SEMA3D: variants seen among roughly 807,000 people sequenced by gnomAD.
The protein encoded by SEMA3D is semaphorin 3D.
A neutral mutation model predicts 100.1 loss-of-function variants in SEMA3D; 84 were observed. That is an observed-to-expected ratio of 0.84 (90% CI 0.70 to 1.01). The LOEUF is 1.01. SEMA3D is among the 50% of genes least tolerant of loss of function. The pLI, the probability that SEMA3D is intolerant of heterozygous loss-of-function variation, is 0.00. For synonymous variants in SEMA3D, 312 were observed against 320.7 expected (o/e 0.97, Z 0.29); for missense variants, 875 against 934.1 (o/e 0.94, Z 0.82).
chr7:85,002,583 A>G (rs1000002855), intron 18 of SEMA3D, among the ~76,000 whole-genome samples: 2 of 152,304 alleles, frequency 1.3e-5, no homozygotes, highest in East Asian at 3.9e-4. Flanking sequence ...ATGTCAGCAC[A>G]GTCAATTTAG....
chr7:85,232,809 C>T, the SEMA3D span, among the ~76,000 whole-genome samples: 1 of 152,132 alleles, frequency 6.6e-6, no homozygotes, highest in African/African-American at 2.4e-5. Flanking sequence ...AATAAACAAG[C>T]AAGTAAACTA....
At chr7:85,016,250 C>CTTTTTTTTTTTTTT (rs59812080) in intron 15 of SEMA3D, among the ~76,000 whole-genome samples, 1 of 128,770 alleles carries the variant, frequency 7.8e-6, no homozygotes, top group Non-Finnish European at 1.7e-5. Flanking sequence ...TTTGTGATTC[C>CTTTTTTTTTTTTTT]TTTTTTTTTT....
chr7:85,164,912 T>G (rs1241970856), intron 1 of SEMA3D, among the ~76,000 whole-genome samples: 1 of 152,018 alleles, frequency 6.6e-6, no homozygotes, highest in Non-Finnish European at 1.5e-5. Flanking sequence ...GAGCTGTAAT[T>G]TAGGCAGAAT....
the SEMA3D span, among the ~76,000 whole-genome samples, chr7:85,204,040 A>G: frequency 6.6e-6 from 1 of 152,072 alleles, no homozygotes; most frequent in African/African-American, 2.4e-5. Context: ...TACATGTCCT[A>G]TATATTCTAG....
chr7:85,066,929 G>GAGAGAA (rs1791643970), intron 7 of SEMA3D, among the ~76,000 whole-genome samples: 1 of 140,870 alleles, frequency 7.1e-6, no homozygotes, highest in African/African-American at 3.2e-5. Flanking sequence ...GAGAGAGAGA[G>GAGAGAA]AGAGAGAGAG....
At chr7:85,007,216 A>G (rs554912872) in intron 17 of SEMA3D, among the ~76,000 whole-genome samples, 96 of 151,956 alleles carry the variant, frequency 6.3e-4, no homozygotes, top group African/African-American at 2.3e-3. Context: ...ATCAAACTCT[A>G]TATATTGAGA....
chr7:85,090,663 G>A (rs2116279305), intron 4 of SEMA3D, among the ~76,000 whole-genome samples: 1 of 152,224 alleles, frequency 6.6e-6, no homozygotes, highest in East Asian at 1.9e-4. Context: ...AGACAGAAAT[G>A]TCTTACTCAG....
the SEMA3D span, among the ~76,000 whole-genome samples, chr7:85,205,807 G>A: frequency 2.0e-5 from 3 of 152,092 alleles, no homozygotes; most frequent in African/African-American, 7.2e-5. Context: ...ATTAAAGTCT[G>A]TAATTGGAAC....
At chr7:85,202,619 T>C in the SEMA3D span, among the ~76,000 whole-genome samples, 1 of 151,966 alleles carries the variant, frequency 6.6e-6, no homozygotes, top group African/African-American at 2.4e-5. Flanking sequence ...ATCCAGAATC[T>C]ACAATGAACT....
At chr7:85,102,364 A>G (rs1026181117) in intron 3 of SEMA3D, among the ~76,000 whole-genome samples, 1 of 151,988 alleles carries the variant, frequency 6.6e-6, no homozygotes, top group Admixed American at 6.6e-5. Flanking sequence ...CAGGGCAAAG[A>G]CCATGGTGTA....
the SEMA3D span, among the ~76,000 whole-genome samples, chr7:85,199,030 C>A: frequency 1.3e-5 from 2 of 151,648 alleles, no homozygotes; most frequent in Admixed American, 6.6e-5. Flanking sequence ...TTTCCTAATT[C>A]CTCTTTCTCC....
intron 3 of SEMA3D, among the ~76,000 whole-genome samples, chr7:85,106,529 A>T (rs1006091579): frequency 3.0e-4 from 46 of 152,238 alleles, no homozygotes; most frequent in African/African-American, 1.0e-3. Context: ...ATTGTTTTAT[A>T]AAATTAATTC....
chr7:85,185,779 G>C (rs191507415), intron 1 of SEMA3D, among the ~76,000 whole-genome samples: 4 of 152,274 alleles, frequency 2.6e-5, no homozygotes, highest in African/African-American at 9.6e-5. Context: ...TGCCGAAAAC[G>C]GCCCGTGCGC....
intron 12 of SEMA3D, among the ~76,000 whole-genome samples, chr7:85,032,375 T>C (rs910818242): frequency 6.6e-6 from 1 of 152,040 alleles, no homozygotes; most frequent in African/African-American, 2.4e-5. Flanking sequence ...CATTGAGTGC[T>C]AATAAGAAAC....
the SEMA3D span, among the ~76,000 whole-genome samples, chr7:85,194,132 G>T: frequency 6.6e-6 from 1 of 152,118 alleles, no homozygotes; most frequent in African/African-American, 2.4e-5. Flanking sequence ...CTAAGTAGAT[G>T]ATTATGTTAT....
At chr7:85,123,674 A>G (rs1480087382) in intron 2 of SEMA3D, among the ~76,000 whole-genome samples, 1 of 152,092 alleles carries the variant, frequency 6.6e-6, no homozygotes, top group Non-Finnish European at 1.5e-5. Flanking sequence ...AATGTTAAAC[A>G]TGAGTGCTTA....
At chr7:85,237,390 G>C in the SEMA3D span, among the ~76,000 whole-genome samples, 1 of 152,144 alleles carries the variant, frequency 6.6e-6, no homozygotes, top group Non-Finnish European at 1.5e-5. Flanking sequence ...CACTGCTGTA[G>C]TATCATACAG....
intron 1 of SEMA3D, among the ~76,000 whole-genome samples, chr7:85,185,534 G>C (rs1472633833): frequency 1.3e-5 from 2 of 152,154 alleles, no homozygotes; most frequent in African/African-American, 4.8e-5. Context: ...CGCTTCGCTC[G>C]AGGCGAAATC....
At chr7:85,205,543 C>T in the SEMA3D span, among the ~76,000 whole-genome samples, 1 of 152,008 alleles carries the variant, frequency 6.6e-6, no homozygotes, top group Non-Finnish European at 1.5e-5. Context: ...TTTCCCTTGA[C>T]ATCCCTTAGT....
Sources: allele counts gnomAD v4.1 joint callset (sites outside exome capture counted in the v4.1 genomes callset), GRCh38; gene constraint gnomAD v4.1.1; transcripts MANE v1.5; gene names NCBI Gene and HGNC (gene_info 2026-07-23, HGNC 2026-07-21).